Variants in EVL observed in about 807,000 individuals in gnomAD.
EVL encodes Enah/Vasp-like, also known as ena/VASP-like protein.
EVL carries 21 observed loss-of-function variants against 59.6 expected under a neutral mutation model. The observed-to-expected ratio is 0.35, with a 90% CI of 0.25 to 0.51. EVL has a LOEUF of 0.51. Ranked by LOEUF, EVL falls within the 20% of genes least tolerant of loss-of-function variation. The pLI is 0.97. For missense variants in EVL, 462 were observed against 546.6 expected (o/e 0.85, Z 1.54); for synonymous variants, 198 against 203.5 (o/e 0.97, Z 0.23).
intron 1 of EVL, among the ~76,000 whole-genome samples, chr14:100,003,028 C>A (rs1479221084): frequency 6.6e-6 from 1 of 152,158 alleles, no homozygotes; most frequent in African/African-American, 2.4e-5. Context: ...GCTTGTTAAT[C>A]CGACATAGGA....
At chr14:100,143,674 C>T (rs1276819958) in intron 13 of EVL, 27 bp from the exon 14 acceptor site, 3 of 1,610,660 alleles carry the variant, frequency 1.9e-6, no homozygotes, top group Non-Finnish European at 2.5e-6. Flanking sequence ...CATGGCTGCA[C>T]CTGAGCCGCC....
chr14:99,981,966 T>TG (rs1484153876), intron 1 of EVL, among the ~76,000 whole-genome samples: 3 of 152,212 alleles, frequency 2.0e-5, no homozygotes, highest in Non-Finnish European at 4.4e-5. Flanking sequence ...TCGCAAGTGC[T>TG]GCAGTAAGAG....
At chr14:100,014,671 T>G (rs1056812141) in intron 1 of EVL, among the ~76,000 whole-genome samples, 8 of 152,264 alleles carry the variant, frequency 5.3e-5, no homozygotes, top group Non-Finnish European at 7.3e-5. Context: ...CTGGATCATA[T>G]GAACACTTTA....
chr14:100,110,360 C>G (rs777637944), intron 3 of EVL, among the ~76,000 whole-genome samples: 4 of 150,402 alleles, frequency 2.7e-5, no homozygotes, highest in Admixed American at 6.6e-5. Flanking sequence ...GGCAACAGAG[C>G]AAGACGCTGT....
At chr14:100,084,971 C>T (rs2062406393) in intron 2 of EVL, 116 bp downstream of exon 2, 1 of 1,147,306 alleles carries the variant, frequency 8.7e-7, no homozygotes, top group Non-Finnish European at 1.2e-6. Flanking sequence ...TATTCGGAAT[C>T]AGAGGACCTG....
In EVL at chr14:100,144,033, G is replaced by C. The variant is rs1057380475; in HGVS notation, c.*295G>C. The C allele has an allele frequency of 2.4e-5, 11 of 452,876 alleles. No homozygotes were observed. Among genetic ancestry groups the C allele is most frequent in the Non-Finnish European group, 3.9e-5 (10 of 253,794 alleles). 28.1% of individuals were successfully genotyped at this position (452,876 alleles called of 1,614,324 possible). A position where few individuals can be genotyped will look rare whatever the true frequency, so the allele number is the denominator to read the frequency against. On this transcript the variant is annotated 3_prime_UTR_variant, in exon 14 of 14. Transcript: ENST00000392920. The stretch of plus-strand genomic sequence containing the variant: ...TTCTAGAGACGCCCCTAAGTCACCT[G>C]CTTCATTAGACGGTTTCCAGGTTTT...
At chr14:100,019,333 C>A in intron 1 of EVL, 1 of 282,022 alleles carries the variant, frequency 3.5e-6, no homozygotes. Flanking sequence ...ATGCTTTACC[C>A]AGGATCCCAG....
chr14:100,020,187 C>T (rs887554571), intron 1 of EVL, among the ~76,000 whole-genome samples: 3 of 152,096 alleles, frequency 2.0e-5, no homozygotes, highest in Non-Finnish European at 2.9e-5. Context: ...ATCTCATCGC[C>T]GGTCTGTTTT....
intron 2 of EVL, among the ~76,000 whole-genome samples, chr14:100,088,660 T>C (rs2062499025): frequency 6.6e-6 from 1 of 152,218 alleles, no homozygotes; most frequent in Non-Finnish European, 1.5e-5. Flanking sequence ...CACCATCATA[T>C]ATGCAGTCTG....
intron 2 of EVL, 95 bp downstream of exon 2, chr14:100,084,950 A>C: frequency 7.3e-7 from 1 of 1,376,884 alleles, no homozygotes; most frequent in South Asian, 1.3e-5. Flanking sequence ...AGGTCAGAAC[A>C]AAAAGGTCAA....
intron 1 of EVL, among the ~76,000 whole-genome samples, chr14:100,028,098 T>C (rs148079638): frequency 1.4e-4 from 22 of 151,872 alleles, no homozygotes; most frequent in African/African-American, 5.3e-4. Context: ...CTGGATCATA[T>C]GGTAGTTCTA....
chr14:100,070,448 T>C (rs898446888), intron 1 of EVL, among the ~76,000 whole-genome samples: 2 of 152,184 alleles, frequency 1.3e-5, no homozygotes, highest in Non-Finnish European at 2.9e-5. Flanking sequence ...GATCTCTATT[T>C]TGCAGTCTCC....
intron 1 of EVL, among the ~76,000 whole-genome samples, chr14:100,069,643 C>A (rs1183062699): frequency 6.6e-6 from 1 of 152,194 alleles, no homozygotes; most frequent in East Asian, 1.9e-4. Flanking sequence ...CTGCCTTCCT[C>A]TGTCTCAAAG....
chr14:100,126,829 C>CAT, intron 5 of EVL, 58 bp downstream of exon 5: 1 of 1,562,352 alleles, frequency 6.4e-7, no homozygotes, highest in Non-Finnish European at 8.8e-7. Flanking sequence ...GGCAGCCCCT[C>CAT]CACGTAGATG....
intron 11 of EVL, chr14:100,139,694 G>T (rs1889040281): frequency 6.6e-6 from 1 of 152,298 alleles, no homozygotes; most frequent in Non-Finnish European, 1.5e-5. Context: ...CTGGTCCTCA[G>T]TGTCACCAGA....
intron 4 of EVL, among the ~76,000 whole-genome samples, chr14:100,124,346 T>C (rs1376761467): frequency 1.3e-5 from 2 of 152,160 alleles, no homozygotes; most frequent in South Asian, 2.1e-4. Context: ...TGCCCCCACC[T>C]ACCCCTCTCA....
intron 3 of EVL, chr14:100,107,042 C>CA (rs2140337074): frequency 2.5e-6 from 1 of 398,742 alleles, no homozygotes; most frequent in East Asian, 3.6e-5. Context: ...TCACCTCCTC[C>CA]ATCAGCAGGT....
chr14:100,047,116 CTCTTTTTTTTTT>C (rs1448890084), intron 1 of EVL, among the ~76,000 whole-genome samples: 1 of 28,420 alleles, frequency 3.5e-5, no homozygotes, highest in African/African-American at 9.2e-5. Flanking sequence ...AGATCTCTCT[CTCTTTTTTTTTT>C]TTTTTTTTTT....
chr14:100,068,485 C>T lies in EVL; in HGVS notation c.11+2974C>T, dbSNP rs113147487. On this transcript the variant is annotated intron_variant, in intron 1 of 13. Coordinates refer to ENST00000392920, the MANE Select transcript of EVL (RefSeq NM_016337.3). ...ATCTCATAGAAGCTTAAGAAAATCA[C>T]TCTGGGCCCTGTGTGGATAATGGCT... Among the ~76,000 whole-genome samples, 6 of 152,270 alleles carry T rather than the reference C, an allele frequency of 3.9e-5. 1 individual carries two copies. Among genetic ancestry groups the T allele is most frequent in the African/African-American group, 1.4e-4 (6 of 41,538 alleles).
Sources: gnomAD v4.1 joint callset for allele counts (sites outside exome capture counted in the v4.1 genomes callset) on GRCh38, gnomAD v4.1.1 for gene constraint, MANE v1.5 for transcripts, NCBI Gene and HGNC (gene_info 2026-07-23, HGNC 2026-07-21) for gene names.